The following PCDH7 variants were observed in gnomAD, a reference collection of about 807,000 sequenced individuals.
PCDH7 encodes the protein protocadherin-7.
Under a neutral mutation model 58.9 loss-of-function variants are expected in PCDH7, and 17 were observed. That is an observed-to-expected ratio of 0.29 (90% CI 0.20 to 0.43). The LOEUF is 0.43. Among genes scored for constraint, PCDH7 ranks in the 20% least tolerant of loss-of-function variants. PCDH7 has a pLI of 1.00. For synonymous variants in PCDH7, 664 were observed against 616.4 expected (o/e 1.08, Z -1.14); for missense variants, 1,274 against 1,441.0 (o/e 0.88, Z 1.88).
chr4:31,025,925 G>A (rs1306798834), intron 3 of PCDH7, among the ~76,000 whole-genome samples: 52 of 152,158 alleles, frequency 3.4e-4, no homozygotes, highest in Admixed American at 3.4e-3. Context: ...GACTAAAAAA[G>A]TAACAATGCT....
chr4:31,051,461 G>T (rs1756723652), intron 3 of PCDH7, among the ~76,000 whole-genome samples: 1 of 152,132 alleles, frequency 6.6e-6, no homozygotes, highest in South Asian at 2.1e-4. Flanking sequence ...CTACAGATAA[G>T]TAATCTAGCT....
intron 1 of PCDH7, among the ~76,000 whole-genome samples, chr4:30,844,569 G>C (rs1432849564): frequency 2.0e-5 from 3 of 152,244 alleles, no homozygotes; most frequent in Admixed American, 6.5e-5. Flanking sequence ...GGTAGGTACA[G>C]AGTTAAGGTG....
intron 3 of PCDH7, among the ~76,000 whole-genome samples, chr4:31,026,907 A>T (rs1489230403): frequency 6.6e-6 from 1 of 152,220 alleles, no homozygotes; most frequent in African/African-American, 2.4e-5. Context: ...AATTTGGTTC[A>T]TTAATAAAAG....
chr4:31,066,173 C>T lies in PCDH7; in HGVS notation c.*8-76300C>T, dbSNP rs150517625. The stretch of plus-strand genomic sequence containing the variant: ...ACACTCTGTGGCATTGGTAATGCAA[C>T]GTGAGACAAAGCTATTTTACTCTTA... On this transcript the variant is annotated intron_variant, in intron 3 of 3. Coordinates refer to the PCDH7 transcript ENST00000509759. Among the ~76,000 whole-genome samples, 324 of 151,840 alleles carry T rather than the reference C, an allele frequency of 2.1e-3. 9 individuals carry two copies. Among genetic ancestry groups the T allele is most frequent in the Non-Finnish European group, 2.3e-3 (155 of 67,864 alleles).
At chr4:30,983,076 G>A (rs1193449181) in intron 3 of PCDH7, among the ~76,000 whole-genome samples, 2 of 152,146 alleles carry the variant, frequency 1.3e-5, no homozygotes, top group African/African-American at 4.8e-5. Context: ...TTAGGATCAA[G>A]GGAGTAGGTA....
At chr4:30,869,456 C>A (rs1055355886) in intron 1 of PCDH7, among the ~76,000 whole-genome samples, 8 of 152,006 alleles carry the variant, frequency 5.3e-5, no homozygotes, top group African/African-American at 1.9e-4. Context: ...CTGAAAGGCC[C>A]CAGTGTGTGA....
At chr4:31,044,906 G>A (rs1756160576) in intron 3 of PCDH7, among the ~76,000 whole-genome samples, 1 of 151,980 alleles carries the variant, frequency 6.6e-6, no homozygotes, top group Non-Finnish European at 1.5e-5. Flanking sequence ...CATAGGACCT[G>A]CAGTGACTTT....
Position 30,721,408 on chromosome 4 carries a change from C to A in PCDH7, c.-15C>A. 6.8e-7 allele frequency: 1 copy of A among 1,479,072 alleles called. No individual in the cohort carries two copies. 91.6% of individuals were successfully genotyped at this position (1,479,072 alleles called of 1,614,324 possible). On this transcript the variant is annotated 5_prime_UTR_variant, in exon 1 of 2. Coordinates refer to ENST00000361762, the Ensembl canonical transcript of PCDH7. The surrounding 1 kb of genome is among the most constrained non-coding windows in gnomAD (Gnocchi z 6.7). ...CTGTGGTTAGAAGGAGCAGTAGCAG[C>A]AGCAGCAGGAGAAGATGCTGAGGAT...
intron 3 of PCDH7, among the ~76,000 whole-genome samples, chr4:31,078,356 C>T (rs1759177972): frequency 1.3e-5 from 2 of 152,152 alleles, no homozygotes; most frequent in Non-Finnish European, 2.9e-5. Context: ...AATAATAGCT[C>T]ATTGTAACCT....
intron 3 of PCDH7, among the ~76,000 whole-genome samples, chr4:31,101,151 A>G (rs1459475830): frequency 6.6e-6 from 1 of 152,140 alleles, no homozygotes; most frequent in Admixed American, 6.5e-5. Flanking sequence ...GATAGAAATG[A>G]AAGTAATGTA....
chr4:30,751,765 G>T (rs1006530892), intron 1 of PCDH7, among the ~76,000 whole-genome samples: 2 of 151,986 alleles, frequency 1.3e-5, no homozygotes, highest in Admixed American at 6.6e-5. Context: ...TTATTTTGAA[G>T]GAATTTCAAC....
Position 30,731,975 on chromosome 4 carries a change from A to G in PCDH7, c.*1187A>G, listed in dbSNP as rs1327616665. 5 of 152,186 alleles carry G rather than the reference A, an allele frequency of 3.3e-5. No homozygotes were observed. In the East Asian group the frequency reaches 9.6e-4, roughly 29 times the overall value. The allele number at this position is 152,186 out of a possible 1,614,324, so 9.4% of individuals were successfully genotyped here. On this transcript the variant is annotated 3_prime_UTR_variant, in exon 2 of 2. Coordinates refer to ENST00000361762, the Ensembl canonical transcript of PCDH7. Reference sequence around the variant, plus strand: ...TTTTCCACAAATTTGGGAACTAAGAATGCCAAATTCTCAAGATTTTTTGGT... The same window carrying G: ...TTTTCCACAAATTTGGGAACTAAGAGTGCCAAATTCTCAAGATTTTTTGGT...
intron 1 of PCDH7, among the ~76,000 whole-genome samples, chr4:30,902,447 C>T (rs1166429796): frequency 6.6e-6 from 1 of 152,076 alleles, no homozygotes; most frequent in Non-Finnish European, 1.5e-5. Flanking sequence ...TTCCTTCCCC[C>T]AGAATGAGTT....
chr4:31,122,229 G>T lies in PCDH7; in HGVS notation c.*8-20244G>T, dbSNP rs111418348. ...ATTTAATCACACCAAATCCCCACGT[G>T]CTCTTTGGAAGCCATGTAGGTATAT... is the stretch of plus-strand genomic sequence containing the variant. On this transcript the variant is annotated intron_variant, in intron 3 of 3. Coordinates refer to the PCDH7 transcript ENST00000509759. 7.6e-4 allele frequency among the ~76,000 whole-genome samples: 115 copies of T among 152,120 alleles called. 1 individual carries two copies. Among genetic ancestry groups the T allele is most frequent in the South Asian group, 1.5e-3 (7 of 4,822 alleles).
chr4:30,828,754 A>C (rs1294800747), intron 1 of PCDH7, among the ~76,000 whole-genome samples: 2 of 152,012 alleles, frequency 1.3e-5, no homozygotes, highest in Non-Finnish European at 2.9e-5. Context: ...ATGCCTGTGC[A>C]ATTATGGCTG....
chr4:30,731,261 T>C (rs1026472413), exon 2 of PCDH7: 1 of 504,292 alleles, frequency 2.0e-6, no homozygotes, highest in African/African-American at 2.1e-5. Flanking sequence ...ATAGTTTTGT[T>C]AGAGTGAAGG....
chr4:30,935,394 CT>C, intron 2 of PCDH7: 1 of 813,278 alleles, frequency 1.2e-6, no homozygotes, highest in Non-Finnish European at 1.5e-6. Context: ...TTCCAATTCT[CT>C]AGACTAAGAG....
chr4:31,097,813 A>G (rs1714349440), intron 3 of PCDH7, among the ~76,000 whole-genome samples: 1 of 151,354 alleles, frequency 6.6e-6, no homozygotes, highest in Non-Finnish European at 1.5e-5. Flanking sequence ...TTCAGACATT[A>G]ACTCTAATTA....
intron 1 of PCDH7, among the ~76,000 whole-genome samples, chr4:30,841,275 A>G (rs1578008797): frequency 6.6e-6 from 1 of 152,080 alleles, no homozygotes; most frequent in African/African-American, 2.4e-5. Flanking sequence ...AGACTTCACA[A>G]TTTGCTTCCT....
Sources: allele counts gnomAD v4.1 joint callset (sites outside exome capture counted in the v4.1 genomes callset), GRCh38; gene constraint gnomAD v4.1.1; non-coding constraint Gnocchi (gnomAD v3.1); transcripts MANE v1.5; gene names NCBI Gene and HGNC (gene_info 2026-07-23, HGNC 2026-07-21).